ZBTB20: variants seen among roughly 807,000 people sequenced by gnomAD.
ZBTB20 encodes the protein zinc finger and BTB domain-containing protein 20.
ZBTB20 carries 9 observed loss-of-function variants against 56.9 expected under a neutral mutation model. That is an observed-to-expected ratio of 0.16 (90% CI 0.10 to 0.28). The LOEUF (loss-of-function observed/expected upper bound fraction) is 0.28, where lower values mean the gene tolerates loss of function less well. Ranked by LOEUF, ZBTB20 falls within the 10% of genes least tolerant of loss-of-function variation. The pLI is 1.00. For synonymous variants in ZBTB20, 417 were observed against 420.7 expected (o/e 0.99, Z 0.11); for missense variants, 655 against 1,003.0 (o/e 0.65, Z 4.69).
intron 4 of ZBTB20, among the ~76,000 whole-genome samples, chr3:114,896,052 G>A (rs1305042446): frequency 1.3e-5 from 2 of 152,160 alleles, no homozygotes; most frequent in Non-Finnish European, 2.9e-5. Flanking sequence ...TCACAGGCGT[G>A]TTGAAAGCAT....
At chr3:114,712,021 G>T (rs1206009933) in intron 5 of ZBTB20, among the ~76,000 whole-genome samples, 1 of 152,146 alleles carries the variant, frequency 6.6e-6, no homozygotes, top group Non-Finnish European at 1.5e-5. Flanking sequence ...GTAAAAGGAA[G>T]AAAAACTCCA....
At chr3:114,628,774 A>G (rs1445445416) in intron 6 of ZBTB20, among the ~76,000 whole-genome samples, 1 of 152,124 alleles carries the variant, frequency 6.6e-6, no homozygotes, top group African/African-American at 2.4e-5. Flanking sequence ...ACAGGATCTC[A>G]TATTTCATTT....
intron 1 of ZBTB20, among the ~76,000 whole-genome samples, chr3:115,108,650 G>A (rs74790412): frequency 0.054 from 8,294 of 152,206 alleles, 337 homozygotes; most frequent in Admixed American, 0.15. Context: ...ATGAAAAAAT[G>A]AAGTTATTGC....
intron 6 of ZBTB20, among the ~76,000 whole-genome samples, chr3:114,634,142 AT>A (rs11294002): frequency 0.16 from 24,760 of 152,192 alleles, 2,824 homozygotes; most frequent in African/African-American, 0.31. Context: ...CTGTTGCCTC[AT>A]TTTGCAGATG....
intron 1 of ZBTB20, among the ~76,000 whole-genome samples, chr3:115,095,150 T>C (rs1347407593): frequency 6.6e-6 from 1 of 152,158 alleles, no homozygotes; most frequent in African/African-American, 2.4e-5. Context: ...TACCACATTT[T>C]CTATCAGAGT....
chr3:115,116,514 T>C (rs2084022813), intron 1 of ZBTB20, among the ~76,000 whole-genome samples: 1 of 152,020 alleles, frequency 6.6e-6, no homozygotes, highest in African/African-American at 2.4e-5. Flanking sequence ...AGCTTATCTA[T>C]AAAATAAGAA....
intron 1 of ZBTB20, among the ~76,000 whole-genome samples, chr3:115,096,488 C>T (rs933644504): frequency 5.9e-5 from 9 of 151,986 alleles, no homozygotes; most frequent in African/African-American, 1.9e-4. Flanking sequence ...CAAGATAAAC[C>T]AGCTTTAATG....
At chr3:114,805,374 G>A (rs941517167) in intron 4 of ZBTB20, among the ~76,000 whole-genome samples, 2 of 151,834 alleles carry the variant, frequency 1.3e-5, no homozygotes, top group Non-Finnish European at 2.9e-5. Context: ...TTTCATGACT[G>A]ATAATTGTGA....
At chr3:114,979,271 T>C (rs2078235090) in intron 2 of ZBTB20, among the ~76,000 whole-genome samples, 2 of 152,018 alleles carry the variant, frequency 1.3e-5, no homozygotes, top group African/African-American at 2.4e-5. Context: ...ATTTCAATGA[T>C]AGGACTACTG....
In ZBTB20 at chr3:115,134,152, A is replaced by G. The variant is rs549805408; in HGVS notation, c.-703+13067T>C. ...ATAACAAAGGCCTTTAAGGCCATCA[A>G]TTTTCCTCTGACAACTATTTTAGCT... On this transcript the variant is annotated intron_variant, in intron 1 of 11. Transcript: ENST00000675478. 4.6e-5 allele frequency among the ~76,000 whole-genome samples: 7 copies of G among 152,288 alleles called. No homozygotes were observed. The South Asian group carries it at 1.2e-3, about 27-fold the overall frequency.
At chr3:114,541,909 AGTAATATAT>A in intron 6 of ZBTB20, among the ~76,000 whole-genome samples, 1 of 152,284 alleles carries the variant, frequency 6.6e-6, no homozygotes, top group South Asian at 2.1e-4. Context: ...GAACGAGTGA[AGTAATATAT>A]GTAACACATG....
chr3:114,889,575 A>G (rs932539568), intron 4 of ZBTB20, among the ~76,000 whole-genome samples: 2 of 152,090 alleles, frequency 1.3e-5, no homozygotes, highest in Non-Finnish European at 2.9e-5. Flanking sequence ...AATAATTTGC[A>G]TTAAATGAAT....
In ZBTB20 at chr3:114,339,038, G is replaced by A. The variant is rs767179510; in HGVS notation, c.2193C>T (p.Asn731=). 2 of 1,536,082 alleles carry A rather than the reference G, an allele frequency of 1.3e-6. No individual in the cohort carries two copies. The highest frequency in any genetic ancestry group is 2.0e-5 in the Admixed American group (1 of 49,578). The change falls in exon 12 of 12, where the codon AAC becomes AAT. Residue 731 remains asparagine (N), a synonymous_variant. Transcript: ENST00000675478. The surrounding 1 kb of genome is among the most constrained non-coding windows in gnomAD (Gnocchi z 4.2). ...CAGACACATGCATCCTCATGTGGTC[G>A]TTGAACTGCTCGATTTGGTCAAACT... ...PAKFDQIEQF[N]DHMRMHVSDG is the part of the protein sequence containing the mutation.
intron 3 of ZBTB20, among the ~76,000 whole-genome samples, chr3:114,938,145 T>G (rs548240512): frequency 7.7e-6 from 1 of 129,500 alleles, no homozygotes; most frequent in Non-Finnish European, 1.5e-5. Flanking sequence ...AATAAAATAT[T>G]TAAGTTCCTT....
At chr3:115,015,078 C>T (rs2079889492) in intron 2 of ZBTB20, among the ~76,000 whole-genome samples, 1 of 151,718 alleles carries the variant, frequency 6.6e-6, no homozygotes, top group South Asian at 2.1e-4. Context: ...GTCTTACTTG[C>T]TGTGTGGTGG....
chr3:114,962,072 A>G (rs1344275844), intron 3 of ZBTB20, among the ~76,000 whole-genome samples: 1 of 152,068 alleles, frequency 6.6e-6, no homozygotes, highest in Non-Finnish European at 1.5e-5. Context: ...ATTCAGGGAA[A>G]AATTAGGGGT....
intron 6 of ZBTB20, among the ~76,000 whole-genome samples, chr3:114,534,237 G>A (rs999314643): frequency 6.6e-6 from 1 of 152,000 alleles, no homozygotes; most frequent in Non-Finnish European, 1.5e-5. Flanking sequence ...GCATTTAGGA[G>A]ACCCATCTCA....
intron 4 of ZBTB20, among the ~76,000 whole-genome samples, chr3:114,891,633 A>G (rs973678368): frequency 1.3e-5 from 2 of 152,262 alleles, no homozygotes; most frequent in African/African-American, 4.8e-5. Context: ...TGTCTTTACC[A>G]TGACCAGATT....
chr3:114,733,534 T>C (rs2065912454), intron 5 of ZBTB20, among the ~76,000 whole-genome samples: 1 of 152,190 alleles, frequency 6.6e-6, no homozygotes, highest in African/African-American at 2.4e-5. Flanking sequence ...GCACTAGTGG[T>C]GCCAGGACTA....
Sources: gnomAD v4.1 joint callset for allele counts (sites outside exome capture counted in the v4.1 genomes callset) on GRCh38, gnomAD v4.1.1 for gene constraint, Gnocchi (gnomAD v3.1) non-coding constraint, MANE v1.5 for transcripts, NCBI Gene and HGNC (gene_info 2026-07-23, HGNC 2026-07-21) for gene names.